PDE4D: variants seen among roughly 807,000 people sequenced by gnomAD.
PDE4D encodes the protein 3',5'-cyclic-AMP phosphodiesterase 4D.
In PDE4D, 24 loss-of-function variants were observed where a neutral mutation model predicts 87.4. That is an observed-to-expected ratio of 0.27 (90% CI 0.20 to 0.39). The LOEUF (loss-of-function observed/expected upper bound fraction) is 0.39. Among genes scored for constraint, PDE4D ranks in the 10% least tolerant of loss-of-function variants. PDE4D has a pLI of 1.00. For synonymous variants in PDE4D, 384 were observed against 383.2 expected (o/e 1.00, Z -0.02); for missense variants, 714 against 1,041.0 (o/e 0.69, Z 4.32).
At position 59,985,142 on chromosome 5, in the gene PDE4D, TTTGTTTTTTA is replaced by T. The variant is rs1470761313; in HGVS notation, c.272+3336_272+3345del. Among the ~76,000 whole-genome samples, 7 of 119,006 alleles carry T rather than the reference TTTGTTTTTTA, an allele frequency of 5.9e-5. 3 individuals carry two copies. In the East Asian group the frequency reaches 2.6e-3, roughly 45 times the overall value. The allele number at this position is 119,006 out of a possible 152,430, so 78.1% of individuals were successfully genotyped here. A position where few individuals can be genotyped will look rare whatever the true frequency, so the allele number is the denominator to read the frequency against. On this transcript the variant is annotated intron_variant, in intron 3 of 16. Transcript: ENST00000502484. ...ACCTTTCGTTTTTTGTTTTTTGTTT[TTTGTTTTTTA>T]TTTTGAGACAGAGTCTCACTCTGTC...
intron 1 of PDE4D, among the ~76,000 whole-genome samples, chr5:59,252,488 A>T (rs1760147657): frequency 6.6e-6 from 1 of 151,956 alleles, no homozygotes; most frequent in African/African-American, 2.4e-5. Flanking sequence ...TTTTCTAATA[A>T]CTGAATAATG....
At chr5:59,452,321 C>T (rs1354140553) in intron 1 of PDE4D, among the ~76,000 whole-genome samples, 1 of 152,172 alleles carries the variant, frequency 6.6e-6, no homozygotes, top group African/African-American at 2.4e-5. Context: ...CAAACAGCTT[C>T]CGACTAAGCT....
At chr5:59,817,815 A>G (rs7706277) in intron 1 of PDE4D, among the ~76,000 whole-genome samples, 5,303 of 150,938 alleles carry the variant, frequency 0.035, 146 homozygotes, top group African/African-American at 0.064. Flanking sequence ...CAGGCCAAGA[A>G]GAGACCCATA....
intron 1 of PDE4D, among the ~76,000 whole-genome samples, chr5:59,750,084 CTTTTT>C (rs35243469): frequency 1.1e-4 from 15 of 131,458 alleles, no homozygotes; most frequent in Non-Finnish European, 2.1e-4. Context: ...GAATTATGAC[CTTTTT>C]TTTTTTTTTT....
chr5:60,039,062 T>C (rs1768149486), intron 2 of PDE4D, among the ~76,000 whole-genome samples: 2 of 151,304 alleles, frequency 1.3e-5, no homozygotes, highest in African/African-American at 4.9e-5. Context: ...AGAAATACCA[T>C]TTGACCCAGC....
chr5:60,367,114 G>A (rs1316113733), intron 1 of PDE4D, among the ~76,000 whole-genome samples: 3 of 151,988 alleles, frequency 2.0e-5, no homozygotes, highest in African/African-American at 7.2e-5. Flanking sequence ...TTGTTGTTGG[G>A]AGATAAAAAG....
At chr5:60,388,529 T>TCC (rs1374551073) in intron 1 of PDE4D, among the ~76,000 whole-genome samples, 3 of 152,280 alleles carry the variant, frequency 2.0e-5, no homozygotes, top group African/African-American at 7.2e-5. Flanking sequence ...TGTTCCCCTC[T>TCC]CTGTGTCCAT....
chr5:59,393,343 A>C lies in PDE4D; in HGVS notation c.456-177375T>G, dbSNP rs560173304. On this transcript the variant is annotated intron_variant, in intron 1 of 14. Transcript: ENST00000340635. ...TTTATGATAAAGAACATCTCAAAAA[A>C]ATAACATATAGAACAAGGGGCAAAA... is the stretch of plus-strand genomic sequence containing the variant. 3.3e-5 allele frequency among the ~76,000 whole-genome samples: 5 copies of C among 152,362 alleles called. No homozygotes were observed. The East Asian group carries it at 7.7e-4, about 23-fold the overall frequency.
intron 1 of PDE4D, among the ~76,000 whole-genome samples, chr5:59,403,148 G>GACAA (rs1790977591): frequency 7.6e-6 from 1 of 130,854 alleles, no homozygotes; most frequent in Non-Finnish European, 1.7e-5. Context: ...TAGGTAGACA[G>GACAA]ACAGACAGAC....
intron 3 of PDE4D, among the ~76,000 whole-genome samples, chr5:59,899,470 T>C (rs1243983001): frequency 6.7e-6 from 1 of 150,322 alleles, no homozygotes; most frequent in Admixed American, 6.7e-5. Flanking sequence ...TACATATGCA[T>C]GCTTAAGTGG....
At chr5:59,473,305 C>T (rs948029103) in intron 1 of PDE4D, among the ~76,000 whole-genome samples, 11 of 151,952 alleles carry the variant, frequency 7.2e-5, no homozygotes, top group African/African-American at 1.9e-4. Flanking sequence ...TTCTTAATTT[C>T]GAGTGGCCAG....
intron 1 of PDE4D, among the ~76,000 whole-genome samples, chr5:60,501,048 G>T (rs1034181995): frequency 1.3e-5 from 2 of 151,378 alleles, no homozygotes; most frequent in South Asian, 4.2e-4. Flanking sequence ...TGTGCACAAT[G>T]TGCAGGTTAG....
At chr5:59,520,813 A>G (rs2153673026) in intron 1 of PDE4D, among the ~76,000 whole-genome samples, 1 of 152,270 alleles carries the variant, frequency 6.6e-6, no homozygotes, top group South Asian at 2.1e-4. Flanking sequence ...TGCTGCTTTT[A>G]AGAGATAAAA....
chr5:59,159,998 G>A (rs1299197902), intron 5 of PDE4D, among the ~76,000 whole-genome samples: 1 of 152,172 alleles, frequency 6.6e-6, no homozygotes, highest in African/African-American at 2.4e-5. Flanking sequence ...GAATGACAGG[G>A]AAGTACAAAA....
chr5:60,210,653 T>C (rs548183157), intron 1 of PDE4D, among the ~76,000 whole-genome samples: 1 of 152,244 alleles, frequency 6.6e-6, no homozygotes, highest in East Asian at 1.9e-4. Context: ...AGCTCTTTGA[T>C]GTCTAAGAAA....
At chr5:60,407,418 C>T (rs1741635251) in intron 1 of PDE4D, among the ~76,000 whole-genome samples, 1 of 141,440 alleles carries the variant, frequency 7.1e-6, no homozygotes, top group African/African-American at 2.6e-5. Context: ...TTCATCCTTA[C>T]ATTTGTATTA....
At chr5:60,448,573 T>C (rs1207199843) in intron 1 of PDE4D, 1 of 152,170 alleles carries the variant, frequency 6.6e-6, no homozygotes, top group Non-Finnish European at 1.5e-5. Context: ...AAGATGTCCA[T>C]TTGGTTTTCC....
chr5:60,107,803 C>G (rs1455452605), intron 2 of PDE4D, among the ~76,000 whole-genome samples: 1 of 152,158 alleles, frequency 6.6e-6, no homozygotes, highest in Non-Finnish European at 1.5e-5. Flanking sequence ...TGACAAAATT[C>G]AACAGCCCTT....
intron 5 of PDE4D, among the ~76,000 whole-genome samples, chr5:59,158,599 A>G (rs1357556228): frequency 6.6e-6 from 1 of 152,226 alleles, no homozygotes; most frequent in Non-Finnish European, 1.5e-5. Flanking sequence ...TTCACTTCTT[A>G]GGGAAATATG....
Sources: gnomAD v4.1 joint callset for allele counts (sites outside exome capture counted in the v4.1 genomes callset) on GRCh38, gnomAD v4.1.1 for gene constraint, MANE v1.5 for transcripts, NCBI Gene and HGNC (gene_info 2026-07-23, HGNC 2026-07-21) for gene names.